COX10: variants seen among roughly 807,000 people sequenced by gnomAD.
COX10 encodes protoheme IX farnesyltransferase, mitochondrial.
COX10 carries 27 observed loss-of-function variants against 37.3 expected under a neutral mutation model. The ratio of observed to expected loss-of-function variants is 0.72; its 90% confidence interval spans 0.53 to 1.00. The LOEUF (loss-of-function observed/expected upper bound fraction) is 1.00. Ranked by LOEUF, COX10 falls within the 50% of genes least tolerant of loss-of-function variation. COX10 has a pLI of 0.00. For missense variants in COX10, 475 were observed against 563.2 expected, an observed-to-expected ratio of 0.84 and a Z score of 1.59; for synonymous variants, 222 against 229.1, an observed-to-expected ratio of 0.97 and a Z score of 0.28.
At chr17:14,187,554 T>A (rs565372261) in intron 5 of COX10, among the ~76,000 whole-genome samples, 1 of 152,208 alleles carries the variant, frequency 6.6e-6, no homozygotes, top group African/African-American at 2.4e-5. Context: ...AGAGAAGATA[T>A]CAACTAGTAT....
At chr17:14,138,811 C>T (rs1904455828) in intron 4 of COX10, among the ~76,000 whole-genome samples, 1 of 152,102 alleles carries the variant, frequency 6.6e-6, no homozygotes, top group African/African-American at 2.4e-5. Context: ...TCTTACACTG[C>T]CTGATTGTCT....
At chr17:14,084,201 C>G (rs1915359616) in intron 3 of COX10, among the ~76,000 whole-genome samples, 1 of 152,096 alleles carries the variant, frequency 6.6e-6, no homozygotes, top group African/African-American at 2.4e-5. Flanking sequence ...TTAGCATTCA[C>G]TGAATATGAA....
Position 14,074,372 on chromosome 17 carries a change from C to A in COX10, c.93C>A (p.Asp31Glu), listed in dbSNP as rs141481210. 7.7e-4 allele frequency: 1,250 copies of A among 1,613,854 alleles called. 3 individuals carry two copies. The highest frequency in any genetic ancestry group is 4.5e-3 in the Middle Eastern group (27 of 6,062). The change falls in exon 2 of 7, where the codon GAC (aspartate) becomes GAA (glutamate). Residue 31 changes from aspartate (D) to glutamate (E), a missense_variant. Asp to Glu is a conservative substitution (Grantham distance 45). Around this residue, in one of 5 missense-constraint regions of COX10, gnomAD observed 242 missense variants for 242.5 expected, o/e 1.00. Transcript: ENST00000261643. ...VWYLERRTIQ[D>E]SPHKFLHLLR... ...ATCTTGAAAGAAGAACTATACAGGA[C>A]TCCCCTCACAAGTTCTTACATCTTC...
intron 4 of COX10, among the ~76,000 whole-genome samples, chr17:14,117,784 CCTT>C (rs1162622652): frequency 6.6e-6 from 1 of 152,160 alleles, no homozygotes; most frequent in Non-Finnish European, 1.5e-5. Context: ...CTCAGTTAGA[CCTT>C]CTGCCTTATC....
intron 5 of COX10, among the ~76,000 whole-genome samples, chr17:14,189,383 C>A (rs1906132983): frequency 6.6e-6 from 1 of 152,200 alleles, no homozygotes; most frequent in Non-Finnish European, 1.5e-5. Flanking sequence ...GGACTTTAAT[C>A]TTCAACATCA....
At chr17:14,117,695 G>A (rs1916144458) in intron 4 of COX10, among the ~76,000 whole-genome samples, 1 of 152,146 alleles carries the variant, frequency 6.6e-6, no homozygotes, top group African/African-American at 2.4e-5. Flanking sequence ...ATCTAGAGGT[G>A]AGTGTTTGCA....
chr17:14,194,452 C>T (rs970205227), intron 6 of COX10, among the ~76,000 whole-genome samples: 6 of 152,244 alleles, frequency 3.9e-5, no homozygotes, highest in Middle Eastern at 3.4e-3. Context: ...TTTGAGATGG[C>T]GTCTCGCTCT....
chr17:14,156,501 T>TA (rs1175110803), intron 4 of COX10, among the ~76,000 whole-genome samples: 3 of 152,230 alleles, frequency 2.0e-5, no homozygotes, highest in Non-Finnish European at 4.4e-5. Flanking sequence ...GTGCTGGGAT[T>TA]ACAGGCGTGA....
At chr17:14,143,324 A>C (rs905276507) in intron 4 of COX10, among the ~76,000 whole-genome samples, 8 of 152,202 alleles carry the variant, frequency 5.3e-5, no homozygotes, top group African/African-American at 1.9e-4. Context: ...GAAATGTATA[A>C]AGAAGCACAT....
intron 5 of COX10, among the ~76,000 whole-genome samples, chr17:14,191,496 T>C (rs1319069096): frequency 3.9e-5 from 6 of 152,136 alleles, no homozygotes; most frequent in African/African-American, 1.4e-4. Context: ...AAAGTATAAA[T>C]ACAGGGGAAG....
chr17:14,090,287 CT>C (rs2142192161), intron 3 of COX10, among the ~76,000 whole-genome samples: 1 of 152,026 alleles, frequency 6.6e-6, no homozygotes, highest in South Asian at 2.1e-4. Context: ...ATTGTAGCAT[CT>C]TATTTATTAA....
chr17:14,182,833 T>C (rs1373448595), intron 5 of COX10, among the ~76,000 whole-genome samples: 1 of 150,756 alleles, frequency 6.6e-6, no homozygotes, highest in Non-Finnish European at 1.5e-5. Flanking sequence ...TTTCATAGGC[T>C]TCTCTGAGAC....
chr17:14,148,423 AT>A (rs1003603767), intron 4 of COX10, among the ~76,000 whole-genome samples: 4 of 151,860 alleles, frequency 2.6e-5, no homozygotes, highest in African/African-American at 9.7e-5. Context: ...CCTGTGCTTT[AT>A]TTTTTTTGTT....
intron 3 of COX10, among the ~76,000 whole-genome samples, chr17:14,089,039 T>C (rs1597495991): frequency 6.6e-6 from 1 of 151,600 alleles, no homozygotes; most frequent in South Asian, 2.1e-4. Flanking sequence ...GCAAGGGAGG[T>C]TTTAAATTAT....
In COX10 at chr17:14,095,884, T is replaced by C. The variant is rs182439918; in HGVS notation, c.500-6234T>C. Among the ~76,000 whole-genome samples, 307 of 152,298 alleles carry C rather than the reference T, an allele frequency of 2.0e-3. 2 individuals carry two copies. Among genetic ancestry groups the C allele is most frequent in the Non-Finnish European group, 3.1e-3 (211 of 68,008 alleles). Reference sequence around the variant, plus strand: ...ACATGGCCCTCATAAGCAGTTCTCATTGTGGAGGTTTGCTTTCTTCTCACC... The same window carrying C: ...ACATGGCCCTCATAAGCAGTTCTCACTGTGGAGGTTTGCTTTCTTCTCACC... On this transcript the variant is annotated intron_variant, in intron 3 of 6. Transcript: ENST00000261643.
chr17:14,119,236 C>T (rs1024452021), intron 4 of COX10, among the ~76,000 whole-genome samples: 2 of 152,086 alleles, frequency 1.3e-5, no homozygotes, highest in Non-Finnish European at 2.9e-5. Flanking sequence ...AATTGACAGG[C>T]GTATATCTCC....
intron 6 of COX10, among the ~76,000 whole-genome samples, chr17:14,198,212 G>A (rs1906425902): frequency 6.6e-6 from 1 of 152,134 alleles, no homozygotes; most frequent in African/African-American, 2.4e-5. Flanking sequence ...AGGAGGTAGG[G>A]GAGGGAGGGG....
chr17:14,197,995 T>A (rs77230195), intron 6 of COX10, among the ~76,000 whole-genome samples: 1 of 152,248 alleles, frequency 6.6e-6, no homozygotes, highest in African/African-American at 2.4e-5. Flanking sequence ...AATTTTTTTT[T>A]AATTCAGCCT....
At chr17:14,154,747 C>G (rs2142235685) in intron 4 of COX10, among the ~76,000 whole-genome samples, 1 of 152,266 alleles carries the variant, frequency 6.6e-6, no homozygotes, top group African/African-American at 2.4e-5. Context: ...CTCATAGTAA[C>G]TTCAATTGTT....
Sources: gnomAD v4.1 joint callset for allele counts (sites outside exome capture counted in the v4.1 genomes callset) on GRCh38, gnomAD v4.1.1 for gene constraint, gnomAD v4.1.1 regional missense constraint, MANE v1.5 for transcripts, NCBI Gene and HGNC (gene_info 2026-07-23, HGNC 2026-07-21) for gene names.